TRIP12: variants seen among roughly 807,000 people sequenced by gnomAD.
TRIP12 encodes the protein E3 ubiquitin-protein ligase TRIP12.
A neutral mutation model predicts 244.2 loss-of-function variants in TRIP12; 25 were observed. That is an observed-to-expected ratio of 0.10 (90% CI 0.07 to 0.14). The LOEUF (loss-of-function observed/expected upper bound fraction) is 0.14. TRIP12 is among the 10% of genes least tolerant of loss of function. The pLI is 1.00. For synonymous variants in TRIP12, 905 were observed against 873.1 expected (o/e 1.04, Z -0.64); for missense variants, 1,677 against 2,486.4 (o/e 0.67, Z 6.92).
intron 2 of TRIP12, among the ~76,000 whole-genome samples, chr2:229,869,119 G>C (rs1050132342): frequency 6.6e-6 from 1 of 152,206 alleles, no homozygotes; most frequent in African/African-American, 2.4e-5. Flanking sequence ...TTAGTGGCTA[G>C]ATTATAACCA....
intron 1 of TRIP12, 143 bp downstream of exon 1, chr2:229,921,737 C>G (rs1366289587): frequency 6.6e-6 from 1 of 152,092 alleles, no homozygotes; most frequent in East Asian, 1.9e-4. Context: ...GGGAGCAGGC[C>G]AAGCGGGGGC....
intron 34 of TRIP12, 120 bp downstream of exon 34, chr2:229,785,637 A>G: frequency 1.1e-6 from 1 of 896,876 alleles, no homozygotes; most frequent in South Asian, 1.9e-5. Context: ...ATCATTCAAG[A>G]GAAAAGAGAG....
chr2:229,796,537 G>T, intron 25 of TRIP12, 54 bp downstream of exon 25: 1 of 1,404,798 alleles, frequency 7.1e-7, no homozygotes. Context: ...GAAAATATAT[G>T]CATTAGTGAG....
Position 229,796,909 on chromosome 2 carries a change from TAC to T in TRIP12, c.3625-129_3625-128del, listed in dbSNP as rs2042951023. The T allele has an allele frequency of 2.8e-6, 2 of 724,126 alleles. 1 individual carries two copies. Among genetic ancestry groups the T allele is most frequent in the Non-Finnish European group, 4.3e-6 (2 of 469,730 alleles). The allele number at this position is 724,126 out of a possible 1,614,324, so 44.9% of individuals were successfully genotyped here. Reference sequence around the variant, plus strand: ...CTTAAAAAAGAGGGCAGGGGAGTGGTACAGTCTTAGTAAATCCTTGGAAATTA... The same window carrying T: ...CTTAAAAAAGAGGGCAGGGGAGTGGTAGTCTTAGTAAATCCTTGGAAATTA... On this transcript the variant is annotated intron_variant, in intron 24 of 41. Transcript: ENST00000675903.
In TRIP12 at chr2:229,764,513, A is replaced by C. The variant is rs2031213416; in HGVS notation, c.*3041T>G. ...GCACTTTTATGAAAAACTTCATCAC[A>C]TTTTTTTTTTGGAATAGACTCCACT... On this transcript the variant is annotated 3_prime_UTR_variant, in exon 42 of 42. Coordinates refer to ENST00000675903, the MANE Select transcript of TRIP12 (RefSeq NM_001348323.3). 1 of 150,056 alleles carries C rather than the reference A, an allele frequency of 6.7e-6. No individual in the cohort carries two copies. The highest frequency in any genetic ancestry group is 1.5e-5 in the Non-Finnish European group (1 of 67,274). 9.3% of individuals were successfully genotyped at this position (150,056 alleles called of 1,614,324 possible). A position where few individuals can be genotyped will look rare whatever the true frequency, so the allele number is the denominator to read the frequency against.
chr2:229,790,691 G>A (rs10209857), intron 30 of TRIP12, among the ~76,000 whole-genome samples: 3 of 152,088 alleles, frequency 2.0e-5, no homozygotes, highest in Admixed American at 6.5e-5. Flanking sequence ...AGAAAGTGAC[G>A]GTTATATTCG....
At position 229,778,882 on chromosome 2, in the gene TRIP12, G is replaced by T; in HGVS notation, c.5203C>A (p.Pro1735Thr). The T allele has an allele frequency of 6.2e-7, 1 of 1,613,628 alleles. No individual in the cohort carries two copies. Among genetic ancestry groups the T allele is most frequent in the Non-Finnish European group, 8.5e-7 (1 of 1,179,648 alleles). The change falls in exon 35 of 42, where the codon CCA becomes ACA. Residue 1735 changes from proline (P) to threonine (T), a missense_variant. Coordinates refer to ENST00000675903, the MANE Select transcript of TRIP12 (RefSeq NM_001348323.3). The surrounding 1 kb of genome is among the most constrained non-coding windows in gnomAD (Gnocchi z 4.1). ...ACTTACAGATAGGCATTACCTTTTGGATTGCTAAGAGTTACTTCTTCACCT... is the reference window on the plus strand; with the variant it reads ...ACTTACAGATAGGCATTACCTTTTGTATTGCTAAGAGTTACTTCTTCACCT... ...WRGEEVTLSN[P>T]KGSQEGTKYI...
intron 1 of TRIP12, among the ~76,000 whole-genome samples, chr2:229,899,719 T>C (rs2070060444): frequency 6.6e-6 from 1 of 151,896 alleles, no homozygotes; most frequent in Admixed American, 6.6e-5. Flanking sequence ...CTCATGAAAA[T>C]AAGGTATTTC....
intron 2 of TRIP12, among the ~76,000 whole-genome samples, chr2:229,873,769 T>C (rs747981054): frequency 7.2e-5 from 11 of 152,290 alleles, no homozygotes; most frequent in Non-Finnish European, 1.0e-4. Context: ...TAGAAGGCTA[T>C]ATCCTATATT....
At chr2:229,801,878 T>C (rs2044451279) in intron 21 of TRIP12, among the ~76,000 whole-genome samples, 1 of 152,220 alleles carries the variant, frequency 6.6e-6, no homozygotes, top group Non-Finnish European at 1.5e-5. Context: ...TGGATGTCTC[T>C]GAGGTCGTAT....
chr2:229,915,577 T>C (rs947309836), intron 1 of TRIP12, among the ~76,000 whole-genome samples: 1 of 151,806 alleles, frequency 6.6e-6, no homozygotes, highest in African/African-American at 2.4e-5. Context: ...CTGTGCTAGA[T>C]GCAGAGATAA....
intron 4 of TRIP12, among the ~76,000 whole-genome samples, chr2:229,846,034 T>C (rs369693705): frequency 8.6e-6 from 1 of 116,178 alleles, no homozygotes; most frequent in African/African-American, 3.1e-5. Flanking sequence ...AAAAAAAAGG[T>C]GGGGGGGGCA....
chr2:229,864,035 AGAGAGAGAGAGAGT>A (rs763567502), intron 2 of TRIP12, among the ~76,000 whole-genome samples: 16,277 of 131,554 alleles, frequency 0.12, 878 homozygotes, highest in East Asian at 0.25. Flanking sequence ...AGAGAGAGAG[AGAGAGAGAGAGAGT>A]GTGTGTGTGT....
intron 1 of TRIP12, among the ~76,000 whole-genome samples, chr2:229,901,695 A>T (rs1443971110): frequency 6.6e-6 from 1 of 152,144 alleles, no homozygotes; most frequent in Non-Finnish European, 1.5e-5. Flanking sequence ...AGGAACTGGA[A>T]GGTAATAAGA....
intron 12 of TRIP12, 57 bp downstream of exon 12, chr2:229,814,176 G>T: frequency 1.3e-6 from 2 of 1,584,004 alleles, no homozygotes; most frequent in South Asian, 2.2e-5. Context: ...GTACAAATGT[G>T]GATTTTAAAA....
intron 3 of TRIP12, 23 bp from the exon 4 acceptor site, chr2:229,859,597 A>G (rs934216326): frequency 5.0e-6 from 8 of 1,590,922 alleles, no homozygotes; most frequent in Non-Finnish European, 6.8e-6. Context: ...ATAAGAAAAC[A>G]GTTAATATCA....
intron 1 of TRIP12, among the ~76,000 whole-genome samples, chr2:229,890,892 G>A (rs999995139): frequency 6.6e-6 from 1 of 152,176 alleles, no homozygotes; most frequent in African/African-American, 2.4e-5. Context: ...GGAGCCAAGA[G>A]AAAATTCAGA....
intron 33 of TRIP12, 67 bp from the exon 34 acceptor site, chr2:229,785,922 C>T: frequency 7.1e-7 from 1 of 1,405,102 alleles, no homozygotes; most frequent in Non-Finnish European, 9.6e-7. Context: ...AAACAGGTGG[C>T]ATTTCTTGAA....
intron 34 of TRIP12, among the ~76,000 whole-genome samples, chr2:229,782,541 T>C (rs2038572208): frequency 6.6e-6 from 1 of 152,200 alleles, no homozygotes; most frequent in Admixed American, 6.5e-5. Flanking sequence ...CTAACTACAC[T>C]GTAATCTTTT....
Sources: gnomAD v4.1 joint callset for allele counts (sites outside exome capture counted in the v4.1 genomes callset) on GRCh38, gnomAD v4.1.1 for gene constraint, Gnocchi (gnomAD v3.1) non-coding constraint, MANE v1.5 for transcripts, NCBI Gene and HGNC (gene_info 2026-07-23, HGNC 2026-07-21) for gene names.